The following SNTG1 variants were observed in gnomAD, a reference collection of about 807,000 sequenced individuals.
The protein encoded by SNTG1 is gamma-1-syntrophin.
In SNTG1, 39 loss-of-function variants were observed where a neutral mutation model predicts 74.7. The observed-to-expected ratio is 0.52, with a 90% CI of 0.40 to 0.68. The LOEUF (loss-of-function observed/expected upper bound fraction) is 0.68, where lower values mean the gene tolerates loss of function less well. Ranked by LOEUF, SNTG1 falls within the 30% of genes least tolerant of loss-of-function variation. SNTG1 has a pLI of 0.00. For synonymous variants in SNTG1, 254 were observed against 217.1 expected (o/e 1.17, Z -1.49); for missense variants, 685 against 609.5 (o/e 1.12, Z -1.30).
chr8:50,314,432 A>T (rs1055275869), intron 2 of SNTG1, among the ~76,000 whole-genome samples: 2 of 149,784 alleles, frequency 1.3e-5, no homozygotes, highest in African/African-American at 5.0e-5. Flanking sequence ...TAGCCTTTAA[A>T]AAAAGTCCCT....
chr8:50,291,030 G>A (rs1036521140), intron 2 of SNTG1, among the ~76,000 whole-genome samples: 6 of 152,078 alleles, frequency 3.9e-5, no homozygotes, highest in South Asian at 4.1e-4. Flanking sequence ...TGCTGGGACT[G>A]CAGACATTGA....
chr8:49,969,586 G>A (rs776082886), intron 1 of SNTG1, among the ~76,000 whole-genome samples: 1 of 151,472 alleles, frequency 6.6e-6, no homozygotes, highest in African/African-American at 2.4e-5. Flanking sequence ...TAGTAGAGAC[G>A]GGGTTTCACC....
At chr8:49,950,906 T>C (rs767147146) in intron 1 of SNTG1, among the ~76,000 whole-genome samples, 69 of 152,214 alleles carry the variant, frequency 4.5e-4, no homozygotes, top group Non-Finnish European at 8.4e-4. Flanking sequence ...ACTATTGTGA[T>C]GCTGTGCAAT....
chr8:50,369,295 C>G (rs2092207632), intron 2 of SNTG1, among the ~76,000 whole-genome samples: 1 of 152,064 alleles, frequency 6.6e-6, no homozygotes, highest in African/African-American at 2.4e-5. Flanking sequence ...ATATTGGTGT[C>G]CTTTAAGAAA....
chr8:50,669,841 C>G (rs1367148024), intron 15 of SNTG1, among the ~76,000 whole-genome samples: 1 of 151,956 alleles, frequency 6.6e-6, no homozygotes, highest in Non-Finnish European at 1.5e-5. Flanking sequence ...AGCTTATCCA[C>G]CATGATCAAG....
intron 8 of SNTG1, among the ~76,000 whole-genome samples, chr8:50,496,536 A>G (rs1357434971): frequency 6.6e-6 from 1 of 152,192 alleles, no homozygotes; most frequent in Non-Finnish European, 1.5e-5. Flanking sequence ...GGCCTCCAAG[A>G]GGAAACCAGA....
At chr8:49,933,240 G>A (rs568127617) in intron 1 of SNTG1, among the ~76,000 whole-genome samples, 15 of 152,198 alleles carry the variant, frequency 9.9e-5, no homozygotes, top group African/African-American at 2.9e-4. Flanking sequence ...TGAAGTTTCC[G>A]ATTTTTCCTC....
chr8:50,559,419 A>G (rs2094474415), intron 12 of SNTG1, among the ~76,000 whole-genome samples: 1 of 152,182 alleles, frequency 6.6e-6, no homozygotes, highest in Non-Finnish European at 1.5e-5. Context: ...TGAAAAAATA[A>G]TGCTAATACC....
At chr8:50,296,405 C>T (rs1002775362) in intron 2 of SNTG1, among the ~76,000 whole-genome samples, 2 of 152,174 alleles carry the variant, frequency 1.3e-5, no homozygotes, top group Non-Finnish European at 2.9e-5. Context: ...AAATGTGGCA[C>T]ATATACACCA....
At chr8:50,072,939 C>G (rs1015743081) in intron 1 of SNTG1, among the ~76,000 whole-genome samples, 15 of 152,056 alleles carry the variant, frequency 9.9e-5, no homozygotes, top group African/African-American at 3.1e-4. Flanking sequence ...GTCATTTGAG[C>G]CTTCAGTGAG....
intron 2 of SNTG1, among the ~76,000 whole-genome samples, chr8:50,318,214 T>C (rs1173976433): frequency 6.6e-6 from 1 of 152,180 alleles, no homozygotes; most frequent in Non-Finnish European, 1.5e-5. Flanking sequence ...CATGTCACTT[T>C]TGCTAGTCTG....
intron 1 of SNTG1, among the ~76,000 whole-genome samples, chr8:49,979,266 G>T (rs1007235268): frequency 6.6e-6 from 1 of 152,146 alleles, no homozygotes; most frequent in Non-Finnish European, 1.5e-5. Context: ...CCTCCTCGGG[G>T]ACTGCATGGG....
chr8:50,278,047 C>T (rs1381226580), intron 2 of SNTG1, among the ~76,000 whole-genome samples: 1 of 152,032 alleles, frequency 6.6e-6, no homozygotes, highest in African/African-American at 2.4e-5. Context: ...GTGGCGTATG[C>T]CTGTAATCTC....
intron 18 of SNTG1, among the ~76,000 whole-genome samples, chr8:50,760,472 G>T (rs10075238): frequency 2.4e-4 from 37 of 151,914 alleles, no homozygotes; most frequent in African/African-American, 8.5e-4. Flanking sequence ...TATTGGTTGT[G>T]GGTTTGTCAT....
chr8:50,430,868 T>G (rs1450848108), intron 4 of SNTG1, among the ~76,000 whole-genome samples: 1 of 152,220 alleles, frequency 6.6e-6, no homozygotes, highest in Non-Finnish European at 1.5e-5. Context: ...CTGGGATAGT[T>G]AGGAATCGAC....
intron 13 of SNTG1, among the ~76,000 whole-genome samples, chr8:50,597,013 C>A (rs1194225858): frequency 6.6e-6 from 1 of 151,898 alleles, no homozygotes; most frequent in Non-Finnish European, 1.5e-5. Context: ...AGAACTTACT[C>A]TTCCTGTGTA....
At chr8:50,781,687 G>T (rs1217108444) in intron 18 of SNTG1, among the ~76,000 whole-genome samples, 5 of 152,130 alleles carry the variant, frequency 3.3e-5, no homozygotes, top group African/African-American at 1.2e-4. Context: ...TTTAATTGGA[G>T]CATTTAGCCC....
intron 15 of SNTG1, among the ~76,000 whole-genome samples, chr8:50,661,377 T>C (rs903241795): frequency 2.0e-5 from 3 of 152,184 alleles, no homozygotes; most frequent in Non-Finnish European, 4.4e-5. Flanking sequence ...AGATATTAAA[T>C]CCATGTGTAC....
intron 1 of SNTG1, among the ~76,000 whole-genome samples, chr8:50,105,231 T>G (rs1244734501): frequency 6.6e-6 from 1 of 152,148 alleles, no homozygotes; most frequent in Non-Finnish European, 1.5e-5. Context: ...GGAGTCCAGC[T>G]CCTATCTTCT....
Sources: allele counts gnomAD v4.1 joint callset (sites outside exome capture counted in the v4.1 genomes callset), GRCh38; gene constraint gnomAD v4.1.1; transcripts MANE v1.5; gene names NCBI Gene and HGNC (gene_info 2026-07-23, HGNC 2026-07-21).